Variants in SGPP1 observed in about 807,000 individuals in gnomAD.
SGPP1 encodes the protein hSPP1.
In SGPP1, 21 loss-of-function variants were observed where a neutral mutation model predicts 33.0. The ratio of observed to expected loss-of-function variants is 0.64; its 90% CI spans 0.45 to 0.92. The LOEUF (loss-of-function observed/expected upper bound fraction) is 0.92. Among genes scored for constraint, SGPP1 ranks in the 40% least tolerant of loss-of-function variants. The pLI, the probability that SGPP1 is intolerant of heterozygous loss-of-function variation, is 0.00. For synonymous variants in SGPP1, 239 were observed against 241.2 expected, an observed-to-expected ratio of 0.99 and a Z score of 0.08; for missense variants, 543 against 589.4, an observed-to-expected ratio of 0.92 and a Z score of 0.81.
At chr14:63,687,858 C>A (rs1057128818) in intron 2 of SGPP1, among the ~76,000 whole-genome samples, 1 of 152,156 alleles carries the variant, frequency 6.6e-6, no homozygotes, top group African/African-American at 2.4e-5. Flanking sequence ...CAGTGGCTCA[C>A]ACCTGTAATC....
At chr14:63,706,604 A>G (rs981040989) in intron 1 of SGPP1, among the ~76,000 whole-genome samples, 1 of 152,216 alleles carries the variant, frequency 6.6e-6, no homozygotes, top group East Asian at 1.9e-4. Flanking sequence ...CAAAGTAAAC[A>G]TAAGCCTTCA....
At position 63,727,715 on chromosome 14, in the gene SGPP1, G is replaced by C. The variant is rs768695097; in HGVS notation, c.230C>G (p.Pro77Arg). Residue 77 changes from proline to arginine, a missense_variant, in exon 1 of 3, where the codon CCG (proline) becomes CGG (arginine). Transcript: ENST00000247225. Reference protein sequence around the residue: ...QPPGSDRNQCPAKPDGGGAPN... With the variant: ...QPPGSDRNQCRAKPDGGGAPN... ...GGCGCCGCCGCCGTCCGGCTTGGCCGGGCACTGATTGCGGTCGCTCCCGGG... is the reference window on the plus strand; with the variant it reads ...GGCGCCGCCGCCGTCCGGCTTGGCCCGGCACTGATTGCGGTCGCTCCCGGG... The C allele has an allele frequency of 5.6e-6, 8 of 1,419,702 alleles. No individual in the cohort carries two copies. Among genetic ancestry groups the C allele is most frequent in the Non-Finnish European group, 7.3e-6 (8 of 1,095,662 alleles). The allele number at this position is 1,419,702 out of a possible 1,614,324, so 87.9% of individuals were successfully genotyped here. A position where few individuals can be genotyped will look rare whatever the true frequency, so the allele number is the denominator to read the frequency against.
intron 1 of SGPP1, among the ~76,000 whole-genome samples, chr14:63,706,388 C>A (rs1214704235): frequency 6.6e-6 from 1 of 151,958 alleles, no homozygotes; most frequent in Non-Finnish European, 1.5e-5. Context: ...TGTACTAGAG[C>A]TGAATTATTC....
chr14:63,700,842 ACT>A (rs578078022), intron 1 of SGPP1, among the ~76,000 whole-genome samples: 212 of 151,474 alleles, frequency 1.4e-3, no homozygotes, highest in East Asian at 9.7e-3. Flanking sequence ...CTTCCTTTGA[ACT>A]CTCTCTTTCC....
At chr14:63,702,903 TA>T (rs763568588) in intron 1 of SGPP1, among the ~76,000 whole-genome samples, 58 of 152,256 alleles carry the variant, frequency 3.8e-4, no homozygotes, top group Non-Finnish European at 5.1e-4. Flanking sequence ...GATAAAGTGA[TA>T]TTTTTTTTTA....
chr14:63,705,610 A>C (rs1332027269), intron 1 of SGPP1, among the ~76,000 whole-genome samples: 1 of 151,968 alleles, frequency 6.6e-6, no homozygotes, highest in African/African-American at 2.4e-5. Context: ...AAAGGTTCCC[A>C]CGAGCCAAGA....
Position 63,727,978 on chromosome 14 carries a change from C to G in SGPP1, c.-34G>C, listed in dbSNP as rs777566908. 3.3e-6 allele frequency: 5 copies of G among 1,522,034 alleles called. No individual in the cohort carries two copies. Among genetic ancestry groups the G allele is most frequent in the Non-Finnish European group, 4.4e-6 (5 of 1,143,328 alleles). 94.3% of individuals were successfully genotyped at this position (1,522,034 alleles called of 1,614,324 possible). On this transcript the variant is annotated 5_prime_UTR_variant, in exon 1 of 3. Transcript: ENST00000247225. Reference sequence around the variant, plus strand: ...AACCCCCGGGAAGGCGGGCCGGCCTCCGGCGCAGCCCCGAACTGTCCCCGC... The same window carrying G: ...AACCCCCGGGAAGGCGGGCCGGCCTGCGGCGCAGCCCCGAACTGTCCCCGC...
chr14:63,722,699 C>A (rs1329575479), intron 1 of SGPP1, among the ~76,000 whole-genome samples: 2 of 151,938 alleles, frequency 1.3e-5, no homozygotes, highest in Non-Finnish European at 2.9e-5. Context: ...GGCAAGGTGG[C>A]TGACGCCTGT....
At chr14:63,701,948 T>TAAAA (rs1251022184) in intron 1 of SGPP1, among the ~76,000 whole-genome samples, 18 of 107,392 alleles carry the variant, frequency 1.7e-4, no homozygotes, top group African/African-American at 6.1e-4. Context: ...CCAAAAGAAG[T>TAAAA]AAAAAAAAAA....
rs1378611484 is a variant in SGPP1 at position 63,686,457 on chromosome 14, C to G, written c.974G>C (p.Ser325Thr). 1 of 1,614,002 alleles carries G rather than the reference C, an allele frequency of 6.2e-7. No individual in the cohort carries two copies. Among genetic ancestry groups the G allele is most frequent in the Non-Finnish European group, 8.5e-7 (1 of 1,180,028 alleles). The change falls in exon 3 of 3, where the codon AGT becomes ACT. Residue 325 changes from serine (S) to threonine (T), a missense_variant. Ser to Thr is a moderately conservative substitution (Grantham distance 58, BLOSUM62 1). Transcript: ENST00000247225. ...AGATCCACATGCAATTCCAGCACCA[C>G]TTCCTAGTATCTCGGCTGTGTCTCC... ...SRGDTAEILG[S>T]GAGIACGSHV...
chr14:63,697,163 C>A (rs1383294864), intron 2 of SGPP1, among the ~76,000 whole-genome samples: 1 of 151,890 alleles, frequency 6.6e-6, no homozygotes, highest in East Asian at 1.9e-4. Flanking sequence ...GCTTATGTAC[C>A]CCTTGAATCT....
intron 1 of SGPP1, among the ~76,000 whole-genome samples, chr14:63,717,313 T>TTC (rs1418605867): frequency 6.7e-6 from 1 of 148,228 alleles, no homozygotes; most frequent in Non-Finnish European, 1.5e-5. Context: ...AAATTGGAAT[T>TTC]TCTCTTTTTT....
chr14:63,702,515 G>A (rs1885320480), intron 1 of SGPP1, among the ~76,000 whole-genome samples: 1 of 152,098 alleles, frequency 6.6e-6, no homozygotes, highest in African/African-American at 2.4e-5. Flanking sequence ...TTTGAGACCA[G>A]CCTGGCCAAC....
chr14:63,727,210 T>G lies in SGPP1; in HGVS notation c.684+51A>C, dbSNP rs758541524. Reference sequence around the variant, plus strand: ...AATAAATGCAGAGAGCAAAGAGAACTCCGAGTTCTTTGAACTCCCCCAGGC... The same window carrying G: ...AATAAATGCAGAGAGCAAAGAGAACGCCGAGTTCTTTGAACTCCCCCAGGC... On this transcript the variant is annotated intron_variant, in intron 1 of 2. Coordinates refer to ENST00000247225, the MANE Select transcript of SGPP1 (RefSeq NM_030791.4). 2.6e-6 allele frequency: 4 copies of G among 1,523,696 alleles called. No homozygotes were observed. The East Asian group carries it at 9.1e-5, about 35-fold the overall frequency. The allele number at this position is 1,523,696 out of a possible 1,614,324, so 94.4% of individuals were successfully genotyped here.
At chr14:63,701,787 G>A (rs753799529) in intron 1 of SGPP1, among the ~76,000 whole-genome samples, 95 of 152,010 alleles carry the variant, frequency 6.2e-4, no homozygotes, top group Non-Finnish European at 1.2e-3. Context: ...GCAAAAACAG[G>A]AAGACCAGTT....
chr14:63,705,052 G>A (rs1256450348), intron 1 of SGPP1, among the ~76,000 whole-genome samples: 8 of 151,738 alleles, frequency 5.3e-5, no homozygotes, highest in African/African-American at 1.2e-4. Context: ...GCTTGAACCC[G>A]GGAGGTGGGG....
chr14:63,711,582 G>T (rs1885525014), intron 1 of SGPP1, among the ~76,000 whole-genome samples: 3 of 152,152 alleles, frequency 2.0e-5, no homozygotes, highest in African/African-American at 7.2e-5. Context: ...TTCTTTGGGG[G>T]AGGTCAGTCT....
At position 63,708,374 on chromosome 14, in the gene SGPP1, G is replaced by A. The variant is rs143341040; in HGVS notation, c.685-9716C>T. The stretch of plus-strand genomic sequence containing the variant: ...GGGTTCAAATGATTCTCCTGCCTCA[G>A]CCTCCCAAGTAGCTGGGATTACAGG... On this transcript the variant is annotated intron_variant, in intron 1 of 2. Transcript: ENST00000247225. Among the ~76,000 whole-genome samples the A allele has an allele frequency of 8.5e-4, 126 of 148,186 alleles. 6 individuals are homozygous for A. The East Asian group carries it at 0.024, about 29-fold the overall frequency.
intron 1 of SGPP1, among the ~76,000 whole-genome samples, chr14:63,718,961 CATATATATGTATATACATATATATAT>C (rs1885687947): frequency 1.1e-5 from 1 of 92,576 alleles, no homozygotes; most frequent in Non-Finnish European, 2.0e-5. Flanking sequence ...AGTAAAAATT[CATATATATGTATATACATATATATAT>C]ATATATATAT....
Sources: gnomAD v4.1 joint callset for allele counts (sites outside exome capture counted in the v4.1 genomes callset) on GRCh38, gnomAD v4.1.1 for gene constraint, MANE v1.5 for transcripts, NCBI Gene and HGNC (gene_info 2026-07-23, HGNC 2026-07-21) for gene names.